Variants in GLI3 observed in about 807,000 individuals in gnomAD.
The protein encoded by GLI3 is GLI family zinc finger 3.
GLI3 carries 20 observed loss-of-function variants against 100.8 expected under a neutral mutation model. That is an observed-to-expected ratio of 0.20 (90% CI 0.14 to 0.29). The LOEUF (loss-of-function observed/expected upper bound fraction) is 0.29, where lower values mean the gene tolerates loss of function less well. GLI3 is among the 10% of genes least tolerant of loss of function. The probability of loss-of-function intolerance (pLI) is 1.00; values close to 1 mark genes in which losing one functional copy is unlikely to be tolerated. For missense variants in GLI3, 2,040 were observed against 2,128.5 expected (o/e 0.96, Z 0.82); for synonymous variants, 938 against 860.5 (o/e 1.09, Z -1.58).
At chr7:42,206,370 T>A (rs1788153106) in intron 2 of GLI3, among the ~76,000 whole-genome samples, 1 of 152,068 alleles carries the variant, frequency 6.6e-6, no homozygotes. Context: ...AACATCTAGG[T>A]ATCCGCCACA....
intron 10 of GLI3, among the ~76,000 whole-genome samples, chr7:41,982,747 A>T (rs1004562631): frequency 4.0e-5 from 6 of 151,590 alleles, no homozygotes; most frequent in African/African-American, 1.5e-4. Context: ...CTCTGCAGTG[A>T]GTGTTCATCT....
At chr7:42,053,860 A>C (rs1336879684) in intron 4 of GLI3, among the ~76,000 whole-genome samples, 1 of 152,226 alleles carries the variant, frequency 6.6e-6, no homozygotes, top group Non-Finnish European at 1.5e-5. Flanking sequence ...GTGGCCCTCC[A>C]AACTAAATCT....
At chr7:42,061,414 A>C (rs2128747197) in intron 4 of GLI3, among the ~76,000 whole-genome samples, 1 of 152,198 alleles carries the variant, frequency 6.6e-6, no homozygotes, top group East Asian at 1.9e-4. Context: ...TATCCCTTGA[A>C]CCTTGACATC....
intron 7 of GLI3, among the ~76,000 whole-genome samples, chr7:42,034,722 C>T (rs1477512327): frequency 5.9e-5 from 9 of 152,076 alleles, no homozygotes; most frequent in African/African-American, 2.2e-4. Context: ...TGAATTAGGC[C>T]CGTGGTGCTA....
At position 42,126,520 on chromosome 7, in the gene GLI3, C is replaced by T. The variant is rs529588465; in HGVS notation, c.367+21706G>A. On this transcript the variant is annotated intron_variant, in intron 3 of 14. Transcript: ENST00000395925. ...CAGAGAACAGTTTAGATGATCAAGA[C>T]CTAGAGAAAGTTAAGAGAGAATATG... 2.0e-5 allele frequency among the ~76,000 whole-genome samples: 3 copies of T among 152,234 alleles called. No homozygotes were observed. The East Asian group carries it at 5.8e-4, about 29-fold the overall frequency.
intron 6 of GLI3, among the ~76,000 whole-genome samples, chr7:42,043,886 T>C (rs1784192474): frequency 6.6e-6 from 1 of 152,244 alleles, no homozygotes; most frequent in African/African-American, 2.4e-5. Context: ...AACTTTTTTT[T>C]CAACAATCGC....
intron 2 of GLI3, among the ~76,000 whole-genome samples, chr7:42,153,287 A>G (rs1238202067): frequency 6.6e-6 from 1 of 152,156 alleles, no homozygotes; most frequent in Non-Finnish European, 1.5e-5. Context: ...TATTTCTGGT[A>G]TTTCGGAATA....
intron 3 of GLI3, among the ~76,000 whole-genome samples, chr7:42,129,807 C>G (rs1223238052): frequency 6.6e-6 from 1 of 151,924 alleles, no homozygotes; most frequent in African/African-American, 2.4e-5. Context: ...GAGACTCCAT[C>G]TAAAAAACAA....
chr7:42,119,918 C>G (rs373278913), intron 3 of GLI3, among the ~76,000 whole-genome samples: 1 of 152,150 alleles, frequency 6.6e-6, no homozygotes, highest in African/African-American at 2.4e-5. Context: ...CCAAAACTCC[C>G]GGGGATGTGT....
chr7:41,993,894 C>T (rs1199375619), intron 10 of GLI3, among the ~76,000 whole-genome samples: 4 of 152,146 alleles, frequency 2.6e-5, no homozygotes, highest in African/African-American at 9.7e-5. Context: ...CCAAGGAGGG[C>T]CTCCTTTCAG....
intron 1 of GLI3, among the ~76,000 whole-genome samples, chr7:42,236,521 C>T (rs1183231235): frequency 6.6e-6 from 1 of 152,124 alleles, no homozygotes; most frequent in Non-Finnish European, 1.5e-5. Flanking sequence ...CCCGCGCGCA[C>T]CCACCATGCC....
chr7:42,060,366 C>T (rs771198781), intron 4 of GLI3, among the ~76,000 whole-genome samples: 14 of 152,040 alleles, frequency 9.2e-5, no homozygotes, highest in South Asian at 2.1e-4. Flanking sequence ...ATTACTTAGG[C>T]GCACCCATCT....
chr7:42,008,041 A>C (rs1430217218), intron 10 of GLI3, among the ~76,000 whole-genome samples: 1 of 152,224 alleles, frequency 6.6e-6, no homozygotes, highest in African/African-American at 2.4e-5. Flanking sequence ...TAGGCATGTA[A>C]CTGGCTTGCA....
At chr7:41,992,230 T>C (rs1323989811) in intron 10 of GLI3, among the ~76,000 whole-genome samples, 1 of 152,192 alleles carries the variant, frequency 6.6e-6, no homozygotes, top group Non-Finnish European at 1.5e-5. Context: ...AGTAAGGGGC[T>C]AGATGTGAAA....
intron 3 of GLI3, among the ~76,000 whole-genome samples, chr7:42,106,373 C>G (rs1169046017): frequency 1.3e-5 from 2 of 152,186 alleles, no homozygotes; most frequent in Non-Finnish European, 2.9e-5. Context: ...CTGCAGAAAT[C>G]TAGGCTGCAA....
At chr7:42,036,978 C>A (rs1006319677) in intron 7 of GLI3, among the ~76,000 whole-genome samples, 2 of 152,008 alleles carry the variant, frequency 1.3e-5, no homozygotes, top group Non-Finnish European at 1.5e-5. Context: ...CCAGTCTCTA[C>A]TAAAAATACA....
chr7:41,966,545 A>C lies in GLI3; in HGVS notation c.2528T>G (p.Met843Arg). Residue 843 changes from methionine (M) to arginine (R), a missense_variant, in exon 15 of 15, where the codon ATG becomes AGG. Met to Arg is a moderately conservative substitution (Grantham distance 91). Coordinates refer to ENST00000395925, the MANE Select transcript of GLI3 (RefSeq NM_000168.6). This position sits in a 1 kb window ranked among gnomAD's most constrained non-coding sequence, Gnocchi z 5.8. ...GGCGCTGCTGTCCCTTCTGTTGAGCATGTTCAGCATAGTGACGTCCACCCC... is the reference window on the plus strand; with the variant it reads ...GGCGCTGCTGTCCCTTCTGTTGAGCCTGTTCAGCATAGTGACGTCCACCCC... ...LSGVDVTMLN[M>R]LNRRDSSAST... The C allele has an allele frequency of 6.2e-7, 1 of 1,613,964 alleles. No homozygotes were observed. Among genetic ancestry groups the C allele is most frequent in the Non-Finnish European group, 8.5e-7 (1 of 1,180,004 alleles).
chr7:42,201,323 A>G (rs375301394), intron 2 of GLI3, among the ~76,000 whole-genome samples: 2 of 152,310 alleles, frequency 1.3e-5, no homozygotes, highest in African/African-American at 4.8e-5. Context: ...TTGGGTAAGG[A>G]GGGACTCCTG....
At chr7:42,214,606 G>A (rs1189312823) in intron 2 of GLI3, among the ~76,000 whole-genome samples, 2 of 149,052 alleles carry the variant, frequency 1.3e-5, no homozygotes, top group Non-Finnish European at 3.0e-5. Flanking sequence ...CTGAGACAAA[G>A]TCCAATCTAT....
Sources: gnomAD v4.1 joint callset for allele counts (sites outside exome capture counted in the v4.1 genomes callset) on GRCh38, gnomAD v4.1.1 for gene constraint, Gnocchi (gnomAD v3.1) non-coding constraint, MANE v1.5 for transcripts, NCBI Gene and HGNC (gene_info 2026-07-23, HGNC 2026-07-21) for gene names.